The following NLRC3 variants were observed in gnomAD, a reference collection of about 807,000 sequenced individuals.
NLRC3 encodes the protein NLR family CARD domain-containing protein 3.
A neutral mutation model predicts 91.6 loss-of-function variants in NLRC3; 87 were observed. That is an observed-to-expected ratio of 0.95 (90% confidence interval 0.80 to 1.14). The LOEUF (loss-of-function observed/expected upper bound fraction) is 1.14. Among genes scored for constraint, NLRC3 ranks in the 50% most tolerant of loss-of-function variants. NLRC3 has a pLI of 0.00. For missense variants in NLRC3, 1,577 were observed against 1,418.6 expected (o/e 1.11, Z -1.79); for synonymous variants, 694 against 625.3 (o/e 1.11, Z -1.64).
At chr16:3,569,637 A>G (rs909226863) in intron 1 of NLRC3, among the ~76,000 whole-genome samples, 2 of 151,736 alleles carry the variant, frequency 1.3e-5, no homozygotes, top group Non-Finnish European at 2.9e-5. Flanking sequence ...ACCTCAAGTG[A>G]TCCACCCGTT....
At chr16:3,553,480 C>A (rs935334409) in intron 9 of NLRC3, among the ~76,000 whole-genome samples, 2 of 152,206 alleles carry the variant, frequency 1.3e-5, no homozygotes, top group African/African-American at 4.8e-5. Context: ...CAAATGGCCA[C>A]TCCAATTATC....
intron 1 of NLRC3, among the ~76,000 whole-genome samples, chr16:3,568,551 G>A (rs763485118): frequency 6.6e-6 from 1 of 152,014 alleles, no homozygotes; most frequent in Non-Finnish European, 1.5e-5. Context: ...TAGTGAGACC[G>A]TAGCTCTACA....
At chr16:3,558,920 C>T (rs747394288) in intron 6 of NLRC3, among the ~76,000 whole-genome samples, 4 of 152,076 alleles carry the variant, frequency 2.6e-5, no homozygotes, top group African/African-American at 7.2e-5. Flanking sequence ...CAGAGGTGCA[C>T]GCCACCACAC....
rs753245479 is a variant in NLRC3, at chr16:3,564,972, G to C, written c.65C>G (p.Ala22Gly). 5.6e-6 allele frequency: 9 copies of C among 1,610,440 alleles called. No homozygotes were observed. Residue 22 changes from alanine (A) to glycine (G), a missense_variant, in exon 4 of 20, where the codon GCC becomes GGC. Physicochemically the swap from Ala to Gly is moderately conservative, Grantham distance 60 (BLOSUM62 0). Coordinates refer to ENST00000359128, the MANE Select transcript of NLRC3 (RefSeq NM_178844.4). The surrounding 1 kb of genome is among the most constrained non-coding windows in gnomAD (Gnocchi z 5.9). ...AGQGHGTGSP[A>G]EQVKALMDLL... ...ATCCATGAGGGCTTTCACCTGCTCG[G>C]CTGGGGAGCCCGTACCGTGGCCCTG...
intron 1 of NLRC3, among the ~76,000 whole-genome samples, chr16:3,574,845 C>T (rs1182323429): frequency 6.6e-6 from 1 of 152,036 alleles, no homozygotes; most frequent in Non-Finnish European, 1.5e-5. Context: ...GTCTGTAGTC[C>T]CAGCTACTCT....
In NLRC3 at chr16:3,565,357, C is replaced by T. The variant is rs147748934; in HGVS notation, c.-63G>A. ...GAGGGCAGGCTGAGTCACCTCTCTG[C>T]GCCTTGGTGTCTTCATTTGTGACCT... On this transcript the variant is annotated 5_prime_UTR_variant, in exon 3 of 20. Coordinates refer to ENST00000359128, the MANE Select transcript of NLRC3 (RefSeq NM_178844.4). 9.9e-5 allele frequency: 58 copies of T among 583,768 alleles called. No individual in the cohort carries two copies. The highest frequency in any genetic ancestry group is 2.0e-4 in the Admixed American group (9 of 45,780). The allele number at this position is 583,768 out of a possible 1,614,324, so 36.2% of individuals were successfully genotyped here.
intron 8 of NLRC3, 41 bp downstream of exon 8, chr16:3,556,870 C>T (rs780758146): frequency 2.2e-5 from 31 of 1,423,648 alleles, no homozygotes; most frequent in Non-Finnish European, 3.0e-5. Context: ...TTTTCTGGGC[C>T]CTCTCTTGGG....
At position 3,548,155 on chromosome 16, in the gene NLRC3, G is replaced by T; in HGVS notation, c.2751C>A (p.Asn917Lys). The T allele has an allele frequency of 6.3e-7, 1 of 1,591,358 alleles. No homozygotes were observed. Among genetic ancestry groups the T allele is most frequent in the Non-Finnish European group, 8.6e-7 (1 of 1,168,906 alleles). The change falls in exon 15 of 20, where the codon AAC becomes AAA. Residue 917 changes from asparagine to lysine, a missense_variant. Coordinates refer to ENST00000359128, the MANE Select transcript of NLRC3 (RefSeq NM_178844.4). Reference sequence around the variant, plus strand: ...CTTACTCTAAGCTGGTGAGGCTCCTGTTGAGCTGTAGTGCTTGTCCCAGGG... The same window carrying T: ...CTTACTCTAAGCTGGTGAGGCTCCTTTTGAGCTGTAGTGCTTGTCCCAGGG... ...AQALGQALQLNRSLTSLDLQE... is the reference protein window; with the variant it reads ...AQALGQALQLKRSLTSLDLQE...
Position 3,563,358 on chromosome 16 carries a change from C to A in NLRC3, c.1579G>T (p.Ala527Ser). ...GCCAGCAGGGAGCCGGCCAGGAGGG[C>A]ATTGACCCTCGGAGACAAGAGGCCG... Reference protein sequence around the residue: ...LSGLLSPRVNALLAGSLLAQG... With the variant: ...LSGLLSPRVNSLLAGSLLAQG... Residue 527 changes from alanine (A) to serine (S), a missense_variant, in exon 5 of 20, where the codon GCC (alanine) becomes TCC (serine). Transcript: ENST00000359128. 6.3e-7 allele frequency: 1 copy of A among 1,588,960 alleles called. No homozygotes were observed.
At chr16:3,569,957 T>C (rs540102116) in intron 1 of NLRC3, among the ~76,000 whole-genome samples, 11 of 152,364 alleles carry the variant, frequency 7.2e-5, no homozygotes, top group Non-Finnish European at 1.3e-4. Flanking sequence ...CTGCATATTC[T>C]GTTAAGCACT....
rs1343329666 is a variant in NLRC3, at chr16:3,564,704, G to A, written c.233C>T (p.Pro78Leu). 9.4e-6 allele frequency: 15 copies of A among 1,597,784 alleles called. No individual in the cohort carries two copies. Among genetic ancestry groups the A allele is most frequent in the Middle Eastern group, 1.6e-4 (1 of 6,070 alleles). Residue 78 changes from proline to leucine, a missense_variant, in exon 5 of 20, where the codon CCG (proline) becomes CTG (leucine). By Grantham distance (98) the Pro-to-Leu change is moderately conservative (BLOSUM62 -3). Coordinates refer to ENST00000359128, the MANE Select transcript of NLRC3 (RefSeq NM_178844.4). The surrounding 1 kb of genome is among the most constrained non-coding windows in gnomAD (Gnocchi z 5.9). The part of the protein sequence containing the change: ...KALLSKVGGG[P>L]ELGGPWHRLA... ...CCTGTGCCAGGGTCCGCCCAGCTCCGGGCCACCTCCCACCTTGCTCAGCAG... is the reference window on the plus strand; with the variant it reads ...CCTGTGCCAGGGTCCGCCCAGCTCCAGGCCACCTCCCACCTTGCTCAGCAG...
At chr16:3,545,563 G>A (rs2038649237) in intron 15 of NLRC3, 1 of 152,128 alleles carries the variant, frequency 6.6e-6, no homozygotes, top group Non-Finnish European at 1.5e-5. Flanking sequence ...TGTGCTAGGT[G>A]TTGTATAAGG....
chr16:3,565,232 C>T, intron 3 of NLRC3, 87 bp downstream of exon 3: 2 of 697,460 alleles, frequency 2.9e-6, no homozygotes, highest in Non-Finnish European at 5.2e-6. Flanking sequence ...CCATTTGTTC[C>T]TGGGTGGTAG....
chr16:3,561,896 C>G (rs1343508006), intron 5 of NLRC3, 108 bp from the exon 6 acceptor site: 1 of 772,244 alleles, frequency 1.3e-6, no homozygotes. Context: ...GCTATCACCG[C>G]AGCTCTGAGA....
chr16:3,571,715 G>A (rs1179239638), intron 1 of NLRC3, among the ~76,000 whole-genome samples: 1 of 151,944 alleles, frequency 6.6e-6, no homozygotes, highest in African/African-American at 2.4e-5. Flanking sequence ...GCTGAGGCGG[G>A]TGGATCACAA....
chr16:3,574,413 G>C (rs555255216), intron 1 of NLRC3, among the ~76,000 whole-genome samples: 25 of 152,180 alleles, frequency 1.6e-4, no homozygotes, highest in African/African-American at 5.8e-4. Context: ...CCAGAGTTGA[G>C]AACCACGGGA....
intron 6 of NLRC3, among the ~76,000 whole-genome samples, chr16:3,559,379 G>A (rs2039498920): frequency 6.6e-6 from 1 of 152,076 alleles, no homozygotes; most frequent in Admixed American, 6.5e-5. Flanking sequence ...TTTATTTTTA[G>A]TAAAGATGGC....
At position 3,557,692 on chromosome 16, in the gene NLRC3, G is replaced by C. The variant is rs2039410300; in HGVS notation, c.2016-16C>G. Reference sequence around the variant, plus strand: ...CTCCGCCAAGCTGCCCAAGGAAAGGGAGAGGAGTGGTTATTTTAGGCATGC... The same window carrying C: ...CTCCGCCAAGCTGCCCAAGGAAAGGCAGAGGAGTGGTTATTTTAGGCATGC... On this transcript the variant is annotated splice_polypyrimidine_tract_variant and intron_variant, in intron 6 of 19. Coordinates refer to ENST00000359128, the MANE Select transcript of NLRC3 (RefSeq NM_178844.4). 1 of 1,583,498 alleles carries C rather than the reference G, an allele frequency of 6.3e-7. No individual in the cohort carries two copies. Among genetic ancestry groups the C allele is most frequent in the Admixed American group, 1.7e-5 (1 of 59,734 alleles).
chr16:3,556,734 C>T (rs2039354999), intron 8 of NLRC3, among the ~76,000 whole-genome samples, 177 bp downstream of exon 8: 2 of 152,054 alleles, frequency 1.3e-5, no homozygotes, highest in Admixed American at 1.3e-4. Context: ...AGCTCCTGAC[C>T]TCAAGCGATC....
Sources: gnomAD v4.1 joint callset for allele counts (sites outside exome capture counted in the v4.1 genomes callset) on GRCh38, gnomAD v4.1.1 for gene constraint, Gnocchi (gnomAD v3.1) non-coding constraint, MANE v1.5 for transcripts, NCBI Gene and HGNC (gene_info 2026-07-23, HGNC 2026-07-21) for gene names.